Variants in TBC1D28 observed in about 807,000 individuals in gnomAD.
TBC1D28 encodes TBC1 domain family member 28, also known as TBC1 domain family, member 28.
A neutral mutation model predicts 29.2 loss-of-function variants in TBC1D28; 20 were observed. That is an observed-to-expected ratio of 0.68 (90% CI 0.48 to 0.99). The LOEUF (loss-of-function observed/expected upper bound fraction) is 0.99. Ranked by LOEUF, TBC1D28 falls within the 50% of genes least tolerant of loss-of-function variation. The pLI, the probability that TBC1D28 is intolerant of heterozygous loss-of-function variation, is 0.00. For synonymous variants in TBC1D28, 65 were observed against 90.9 expected (o/e 0.71, Z 1.62); for missense variants, 205 against 243.7 (o/e 0.84, Z 1.06).
downstream of TBC1D28, among the ~76,000 whole-genome samples, chr17:18,634,354 G>A (rs2031379419): frequency 6.6e-6 from 1 of 151,842 alleles, no homozygotes; most frequent in Non-Finnish European, 1.5e-5. Context: ...CATTAACACA[G>A]AAGTGATACC....
At chr17:18,641,221 G>A (rs903978207) in intron 3 of TBC1D28, 57 bp downstream of exon 4, 1 of 1,532,378 alleles carries the variant, frequency 6.5e-7, no homozygotes, top group African/African-American at 1.4e-5. Context: ...CCTGTGACCA[G>A]GGCACAGCGG....
chr17:18,638,074 G>C (rs2031586194), intron 7 of TBC1D28, 101 bp from the exon 9 acceptor site: 1 of 1,565,166 alleles, frequency 6.4e-7, no homozygotes. Context: ...TGGAAGGAAG[G>C]AAGGAAGGAA....
At chr17:18,639,493 C>T (rs1203485186) in intron 4 of TBC1D28, among the ~76,000 whole-genome samples, 2 of 140,178 alleles carry the variant, frequency 1.4e-5, no homozygotes, top group Non-Finnish European at 3.1e-5. Flanking sequence ...TCCACCTGGG[C>T]TGGAGGTGAC....
Position 18,636,590 on chromosome 17 carries a change from C to T in TBC1D28, c.505G>A (p.Glu169Lys), listed in dbSNP as rs369463459. ...TAGGCCACGAGGATGTCACATAATT[C>T]CTGCTGCCTAGAAAAGAGGGGAAAG... Residue 169 changes from glutamate to lysine, a missense_variant, in exon 9 of 9, where the codon GAA becomes AAA. Glu to Lys is a moderately conservative substitution (Grantham distance 56). Transcript: ENST00000345096. 4.3e-6 allele frequency: 7 copies of T among 1,611,974 alleles called. No homozygotes were observed. The African/African-American group carries it at 9.4e-5, about 22-fold the overall frequency.
In TBC1D28 at chr17:18,641,270, A is replaced by G; in HGVS notation, c.75+8T>C. On this transcript the variant is annotated splice_region_variant and intron_variant, in intron 3 of 8. Transcript: ENST00000345096. ...CTGCTTCCCTTGAGGGAGCGGCCCA[A>G]CTTGTACCTGCTCATACTTAGTAAT... The G allele has an allele frequency of 6.2e-7, 1 of 1,611,812 alleles. No individual in the cohort carries two copies.
chr17:18,634,736 T>C (rs577199680), downstream of TBC1D28, among the ~76,000 whole-genome samples: 1 of 152,374 alleles, frequency 6.6e-6, no homozygotes, highest in Non-Finnish European at 1.5e-5. Flanking sequence ...GCCCGAGGGA[T>C]TCGGCCACGT....
chr17:18,637,890 C>T, exon 8 of TBC1D28: 1 of 1,613,758 alleles, frequency 6.2e-7, no homozygotes, highest in East Asian at 2.2e-5. Flanking sequence ...GTATGAACAT[C>T]ATGTGTTTCT....
At chr17:18,637,203 CCT>C (rs2031542076) in intron 8 of TBC1D28, among the ~76,000 whole-genome samples, 1 of 132,106 alleles carries the variant, frequency 7.6e-6, no homozygotes, top group Admixed American at 8.0e-5. Flanking sequence ...CACTGAGTCG[CCT>C]CTGTCTGAAG....
intron 8 of TBC1D28, among the ~76,000 whole-genome samples, chr17:18,637,224 C>A (rs1218121191): frequency 9.3e-6 from 1 of 107,186 alleles, no homozygotes; most frequent in South Asian, 3.0e-4. Context: ...AGAGTGGAAC[C>A]CCCTTCCTCC....
At chr17:18,636,491 C>A in exon 9 of TBC1D28, 1 of 1,614,118 alleles carries the variant, frequency 6.2e-7, no homozygotes, top group Non-Finnish European at 8.5e-7. Flanking sequence ...CCGAGAGACA[C>A]CCATGCCTGT....
At chr17:18,635,537 T>C (rs1278197771) in exon 9 of TBC1D28, 3 of 985,868 alleles carry the variant, frequency 3.0e-6, no homozygotes, top group Non-Finnish European at 3.7e-6. Context: ...CTGGAGTTTA[T>C]GGAATTATTG....
At chr17:18,636,189 G>GCTCCCC (rs990416919) in exon 9 of TBC1D28, 262 of 1,223,340 alleles carry the variant, frequency 2.1e-4, no homozygotes, top group African/African-American at 1.7e-3. Context: ...TGAAGAAGAG[G>GCTCCCC]CTCCCCCAGG....
At chr17:18,637,885 A>G in exon 8 of TBC1D28, 4 of 1,613,694 alleles carry the variant, frequency 2.5e-6, no homozygotes, top group Non-Finnish European at 3.4e-6. Context: ...TCTTTGTATG[A>G]ACATCATGTG....
exon 9 of TBC1D28, chr17:18,636,075 T>G (rs1287732300): frequency 9.7e-7 from 1 of 1,026,478 alleles, no homozygotes; most frequent in Non-Finnish European, 1.2e-6. Context: ...GTCTGGAAAG[T>G]GGGGGCCAAG....
At chr17:18,636,635 G>A (rs2031514858) in intron 8 of TBC1D28, 38 bp from the exon 10 acceptor site, 2 of 1,594,570 alleles carry the variant, frequency 1.3e-6, no homozygotes, top group Non-Finnish European at 8.6e-7. Flanking sequence ...TTTTTTTTGT[G>A]CAGACGCTGT....
rs1401244739 is a variant in TBC1D28 at position 18,636,610 on chromosome 17, G to GTT, written c.498-14_498-13insAA. On this transcript the variant is annotated splice_polypyrimidine_tract_variant and intron_variant, in intron 8 of 8. Transcript: ENST00000345096. ...TAATTCCTGCTGCCTAGAAAAGAGGGGAAAGAGGGTTTTGTTTTTTTTGTG... is the reference window on the plus strand; with the variant it reads ...TAATTCCTGCTGCCTAGAAAAGAGGGTTGAAAGAGGGTTTTGTTTTTTTTGTG... 6.2e-7 allele frequency: 1 copy of GTT among 1,604,448 alleles called. No homozygotes were observed. The highest frequency in any genetic ancestry group is 1.7e-5 in the Admixed American group (1 of 58,144).
chr17:18,643,369 G>T (rs1277725385), upstream of TBC1D28, among the ~76,000 whole-genome samples: 3 of 150,302 alleles, frequency 2.0e-5, no homozygotes, highest in African/African-American at 7.4e-5. Context: ...ACGGAGGCAA[G>T]GAGGCTCTAA....
chr17:18,641,682 G>A lies in TBC1D28; in HGVS notation c.-52C>T, dbSNP rs959853607. On this transcript the variant is annotated 5_prime_UTR_variant, in exon 2 of 9. Transcript: ENST00000345096. The stretch of plus-strand genomic sequence containing the variant: ...CACTTGCTGAGGGTGAAGTCCCCAC[G>A]ATGGGCTGTTCTGGGCACCTGGAGG... 1.9e-4 allele frequency: 75 copies of A among 395,678 alleles called. 1 individual carries two copies. The highest frequency in any genetic ancestry group is 8.2e-5 in the Admixed American group (2 of 24,358). The allele number at this position is 395,678 out of a possible 1,614,324, so 24.5% of individuals were successfully genotyped here. A position where few individuals can be genotyped will look rare whatever the true frequency, so the allele number is the denominator to read the frequency against.
At chr17:18,642,687 G>A (rs2031825674), upstream of TBC1D28, 1 of 152,278 alleles carries the variant, frequency 6.6e-6, no homozygotes, top group African/African-American at 2.4e-5. Flanking sequence ...CATGTACCCG[G>A]TGAGTGCTCA....
Sources: gnomAD v4.1 joint callset for allele counts (sites outside exome capture counted in the v4.1 genomes callset) on GRCh38, gnomAD v4.1.1 for gene constraint, MANE v1.5 for transcripts, NCBI Gene and HGNC (gene_info 2026-07-23, HGNC 2026-07-21) for gene names.